The following DENND1A variants were observed in gnomAD, a reference collection of about 807,000 sequenced individuals.
The protein encoded by DENND1A is DENN domain containing 1A.
DENND1A carries 51 observed loss-of-function variants against 113.7 expected under a neutral mutation model. That is an observed-to-expected ratio of 0.45 (90% CI 0.36 to 0.57). The LOEUF (loss-of-function observed/expected upper bound fraction) is 0.57. DENND1A is among the 20% of genes least tolerant of loss of function. The probability of loss-of-function intolerance (pLI) is 0.00; values close to 1 mark genes in which losing one functional copy is unlikely to be tolerated. For missense variants in DENND1A, 1,258 were observed against 1,395.9 expected, an observed-to-expected ratio of 0.90 and a Z score of 1.57; for synonymous variants, 565 against 570.8, an observed-to-expected ratio of 0.99 and a Z score of 0.14.
intron 10 of DENND1A, 54 bp downstream of exon 10, chr9:123,630,322 C>A: frequency 8.2e-7 from 1 of 1,221,538 alleles, no homozygotes; most frequent in Non-Finnish European, 1.1e-6. Context: ...ACACCTAACA[C>A]GCCCAGTCAG....
In DENND1A at chr9:123,570,928, G is replaced by A. The variant is rs972087373; in HGVS notation, c.867+12241C>T. Among the ~76,000 whole-genome samples, 7 of 152,056 alleles carry A rather than the reference G, an allele frequency of 4.6e-5. No homozygotes were observed. The South Asian group carries it at 1.5e-3, about 32-fold the overall frequency. ...AGATAAACATGAAGTCTGTAAACAC[G>A]CCTTTAGATCTAAAAGAAGGAGTAT... On this transcript the variant is annotated intron_variant, in intron 12 of 23. Coordinates refer to ENST00000394215, the MANE Select transcript of DENND1A (RefSeq NM_001352964.2).
At chr9:123,699,688 C>CTTTCT (rs2065759061) in intron 5 of DENND1A, among the ~76,000 whole-genome samples, 1 of 112,414 alleles carries the variant, frequency 8.9e-6, no homozygotes, top group African/African-American at 3.9e-5. Context: ...TTCTTTCTTT[C>CTTTCT]TTTTTTTTTT....
intron 4 of DENND1A, among the ~76,000 whole-genome samples, chr9:123,763,711 G>A (rs2071233450): frequency 6.6e-6 from 1 of 152,064 alleles, no homozygotes; most frequent in Non-Finnish European, 1.5e-5. Flanking sequence ...AGAGACCAAA[G>A]AAAGGAGAAT....
At chr9:123,884,997 GCACACACACACACACA>G (rs57555620) in intron 1 of DENND1A, among the ~76,000 whole-genome samples, 42 of 145,948 alleles carry the variant, frequency 2.9e-4, no homozygotes, top group Admixed American at 1.9e-3. Flanking sequence ...GAGCGCGCGC[GCACACACACACACACA>G]CACACACACA....
chr9:123,529,173 A>T (rs2055091461), intron 13 of DENND1A, among the ~76,000 whole-genome samples: 1 of 152,198 alleles, frequency 6.6e-6, no homozygotes, highest in Non-Finnish European at 1.5e-5. Context: ...TGTATGTGTC[A>T]CCCTCATCTT....
chr9:123,577,677 A>C (rs1025513509), intron 12 of DENND1A, among the ~76,000 whole-genome samples: 1 of 152,232 alleles, frequency 6.6e-6, no homozygotes, highest in African/African-American at 2.4e-5. Flanking sequence ...TTTAAAAAGA[A>C]ATAGGTTTGT....
intron 1 of DENND1A, among the ~76,000 whole-genome samples, chr9:123,909,908 T>C (rs2134008017): frequency 6.6e-6 from 1 of 152,142 alleles, no homozygotes; most frequent in East Asian, 1.9e-4. Flanking sequence ...GAAAATGACA[T>C]TTAAAAAGCA....
intron 11 of DENND1A, among the ~76,000 whole-genome samples, chr9:123,602,761 C>T (rs1460069891): frequency 2.0e-5 from 3 of 152,238 alleles, no homozygotes; most frequent in African/African-American, 7.2e-5. Context: ...AACTCCTGGG[C>T]TTGGCTTGAG....
intron 21 of DENND1A, chr9:123,400,752 TG>T (rs2043396317): frequency 6.6e-6 from 1 of 152,170 alleles, no homozygotes; most frequent in African/African-American, 2.4e-5. Flanking sequence ...GGCTAATTTT[TG>T]TATTTTTAGT....
intron 13 of DENND1A, among the ~76,000 whole-genome samples, chr9:123,507,400 T>A (rs934229094): frequency 3.3e-5 from 5 of 152,194 alleles, no homozygotes; most frequent in Non-Finnish European, 7.3e-5. Flanking sequence ...AAAGTTTGCA[T>A]CTTTATAATC....
At chr9:123,745,310 C>T (rs76050757) in intron 5 of DENND1A, among the ~76,000 whole-genome samples, 185 of 152,274 alleles carry the variant, frequency 1.2e-3, no homozygotes, top group African/African-American at 4.3e-3. Context: ...TCTAGCAACA[C>T]CTCTGCAAAC....
intron 2 of DENND1A, among the ~76,000 whole-genome samples, chr9:123,821,465 C>T (rs1838451986): frequency 6.6e-6 from 1 of 152,204 alleles, no homozygotes; most frequent in South Asian, 2.1e-4. Context: ...TCATGGCTAA[C>T]AGAAACCAGT....
intron 1 of DENND1A, among the ~76,000 whole-genome samples, chr9:123,926,491 C>T (rs994036098): frequency 6.9e-6 from 1 of 144,160 alleles, no homozygotes; most frequent in Admixed American, 7.2e-5. Context: ...CGCTTGAACC[C>T]GGGGGTTGGA....
intron 5 of DENND1A, among the ~76,000 whole-genome samples, chr9:123,698,575 T>G (rs2065671284): frequency 6.6e-6 from 1 of 152,208 alleles, no homozygotes; most frequent in South Asian, 2.1e-4. Flanking sequence ...ATAATTTCAT[T>G]TAAAAATGTC....
intron 11 of DENND1A, among the ~76,000 whole-genome samples, chr9:123,584,795 G>A (rs1042758237): frequency 7.2e-5 from 11 of 152,026 alleles, no homozygotes; most frequent in South Asian, 2.1e-4. Flanking sequence ...TCAGACACCC[G>A]CAGGGAGACT....
chr9:123,649,141 G>A (rs532054748), intron 9 of DENND1A, among the ~76,000 whole-genome samples: 1 of 152,250 alleles, frequency 6.6e-6, no homozygotes, highest in East Asian at 1.9e-4. Context: ...AAAACCCTAT[G>A]GGGGTTTTGA....
Position 123,438,480 on chromosome 9 carries a change from G to A in DENND1A, c.1488+1880C>T, listed in dbSNP as rs534883712. Among the ~76,000 whole-genome samples, 19 of 152,286 alleles carry A rather than the reference G, an allele frequency of 1.2e-4. No homozygotes were observed. The South Asian group carries it at 1.5e-3, about 12-fold the overall frequency. ...AATGTGTTTGTCACTTTGACAGCAC[G>A]TCTCAATTAAGGCATCTCGCGGCTG... On this transcript the variant is annotated intron_variant, in intron 19 of 23. Transcript: ENST00000394215.
chr9:123,679,381 C>G (rs1012185979), intron 5 of DENND1A, among the ~76,000 whole-genome samples: 10 of 152,190 alleles, frequency 6.6e-5, no homozygotes, highest in Non-Finnish European at 7.3e-5. Flanking sequence ...AGATGGCACC[C>G]TGGTTCTCAC....
At chr9:123,902,611 TG>T (rs904373853) in intron 1 of DENND1A, among the ~76,000 whole-genome samples, 1 of 152,072 alleles carries the variant, frequency 6.6e-6, no homozygotes, top group African/African-American at 2.4e-5. Flanking sequence ...ATAAAAGATC[TG>T]TCAAAAAACA....
Sources: allele counts gnomAD v4.1 joint callset (sites outside exome capture counted in the v4.1 genomes callset), GRCh38; gene constraint gnomAD v4.1.1; transcripts MANE v1.5; gene names NCBI Gene and HGNC (gene_info 2026-07-23, HGNC 2026-07-21).